DOCK3: variants seen among roughly 807,000 people sequenced by gnomAD.
DOCK3 encodes the protein dedicator of cytokinesis protein 3.
DOCK3 carries 60 observed loss-of-function variants against 265.6 expected under a neutral mutation model. The observed-to-expected ratio is 0.23, with a 90% CI of 0.18 to 0.28. The LOEUF is 0.28. Among genes scored for constraint, DOCK3 ranks in the 10% least tolerant of loss-of-function variants. DOCK3 has a pLI of 1.00. For synonymous variants in DOCK3, 881 were observed against 938.0 expected (o/e 0.94, Z 1.11); for missense variants, 1,981 against 2,594.3 (o/e 0.76, Z 5.14).
intron 4 of DOCK3, among the ~76,000 whole-genome samples, chr3:50,927,027 A>G (rs948968968): frequency 1.3e-5 from 2 of 152,222 alleles, no homozygotes; most frequent in African/African-American, 4.8e-5. Context: ...AAGGCTTACA[A>G]GTTTTATGAT....
chr3:51,157,069 A>G (rs1396448424), intron 10 of DOCK3, among the ~76,000 whole-genome samples: 1 of 152,228 alleles, frequency 6.6e-6, no homozygotes, highest in African/African-American at 2.4e-5. Context: ...TAAAAGAATT[A>G]GTGAAATGGG....
At chr3:50,713,480 A>G (rs2036899609) in intron 1 of DOCK3, among the ~76,000 whole-genome samples, 1 of 152,210 alleles carries the variant, frequency 6.6e-6, no homozygotes, top group Non-Finnish European at 1.5e-5. Flanking sequence ...CATTCAATTC[A>G]TTAAAAACTT....
At chr3:50,685,302 G>A (rs2034707605) in intron 1 of DOCK3, among the ~76,000 whole-genome samples, 1 of 152,094 alleles carries the variant, frequency 6.6e-6, no homozygotes, top group Admixed American at 6.5e-5. Flanking sequence ...TGTTATAATA[G>A]GGCATTATTT....
intron 12 of DOCK3, among the ~76,000 whole-genome samples, chr3:51,167,853 T>C (rs2086482909): frequency 6.6e-6 from 1 of 152,204 alleles, no homozygotes; most frequent in African/African-American, 2.4e-5. Context: ...CTTTAGGCTT[T>C]TTATATGTAT....
intron 2 of DOCK3, among the ~76,000 whole-genome samples, chr3:50,836,154 G>C (rs2107185095): frequency 6.6e-6 from 1 of 152,278 alleles, no homozygotes. Flanking sequence ...TCTAATTCCT[G>C]GGGATCCCAT....
In DOCK3 at chr3:51,075,342, T is replaced by C. The variant is rs1358562153; in HGVS notation, c.465-14T>C. Reference sequence around the variant, plus strand: ...AGTACATGGCATACTGAGTGTGGTCTTTCTCTTTACTAGACATTTGGGCCT... The same window carrying C: ...AGTACATGGCATACTGAGTGTGGTCCTTCTCTTTACTAGACATTTGGGCCT... On this transcript the variant is annotated splice_polypyrimidine_tract_variant and intron_variant, in intron 6 of 52. Transcript: ENST00000266037. The C allele has an allele frequency of 6.2e-7, 1 of 1,603,596 alleles. No homozygotes were observed. The highest frequency in any genetic ancestry group is 8.5e-7 in the Non-Finnish European group (1 of 1,174,934).
At chr3:50,736,052 G>A (rs375207297) in intron 1 of DOCK3, among the ~76,000 whole-genome samples, 10 of 151,996 alleles carry the variant, frequency 6.6e-5, no homozygotes, top group East Asian at 3.9e-4. Context: ...CCTCCCCGCT[G>A]CCCCCACCCC....
chr3:50,849,395 C>T (rs903315201), intron 3 of DOCK3, among the ~76,000 whole-genome samples: 2 of 151,378 alleles, frequency 1.3e-5, no homozygotes, highest in Non-Finnish European at 2.9e-5. Flanking sequence ...TATATACACA[C>T]ACACACACAT....
At chr3:50,824,675 C>T (rs1344710127) in intron 2 of DOCK3, among the ~76,000 whole-genome samples, 3 of 152,120 alleles carry the variant, frequency 2.0e-5, no homozygotes, top group African/African-American at 7.2e-5. Flanking sequence ...GGGTCTATTT[C>T]TAGCTCTGTT....
chr3:51,228,559 C>A, intron 17 of DOCK3, 102 bp from the exon 18 acceptor site: 1 of 1,340,266 alleles, frequency 7.5e-7, no homozygotes, highest in South Asian at 1.5e-5. Flanking sequence ...AACGTTCAGC[C>A]TTAGGAAGAT....
At chr3:50,799,994 ATGTT>A (rs1223381692) in intron 2 of DOCK3, among the ~76,000 whole-genome samples, 1 of 152,038 alleles carries the variant, frequency 6.6e-6, no homozygotes, top group Non-Finnish European at 1.5e-5. Context: ...ATGATGTATG[ATGTT>A]TGTTTATTTG....
chr3:51,079,746 A>G (rs1362804351), intron 7 of DOCK3, among the ~76,000 whole-genome samples: 2 of 152,202 alleles, frequency 1.3e-5, no homozygotes, highest in South Asian at 2.1e-4. Flanking sequence ...TAAACAATAG[A>G]GAATTGGTGC....
chr3:51,328,777 T>C (rs2084322973), intron 32 of DOCK3, among the ~76,000 whole-genome samples: 1 of 152,220 alleles, frequency 6.6e-6, no homozygotes, highest in South Asian at 2.1e-4. Flanking sequence ...CTTCTGTTTA[T>C]AGTACATTAT....
intron 3 of DOCK3, among the ~76,000 whole-genome samples, chr3:50,874,505 A>G (rs1294445781): frequency 1.3e-5 from 2 of 150,366 alleles, no homozygotes; most frequent in Non-Finnish European, 3.0e-5. Flanking sequence ...CCTGTATCTT[A>G]GAAATAAATA....
chr3:50,734,787 T>C (rs2038473354), intron 1 of DOCK3, among the ~76,000 whole-genome samples: 1 of 152,018 alleles, frequency 6.6e-6, no homozygotes, highest in Non-Finnish European at 1.5e-5. Flanking sequence ...GTATTTTTAG[T>C]AGAGGCGGGG....
At chr3:50,878,684 A>G (rs562506573) in intron 3 of DOCK3, among the ~76,000 whole-genome samples, 46 of 152,198 alleles carry the variant, frequency 3.0e-4, no homozygotes, top group Non-Finnish European at 6.0e-4. Context: ...GGAGAATGAA[A>G]CCAAGTTGGA....
chr3:50,994,515 TTAGTTGTGTTAAC>T (rs1469867394), intron 5 of DOCK3, among the ~76,000 whole-genome samples: 1 of 152,230 alleles, frequency 6.6e-6, no homozygotes, highest in Non-Finnish European at 1.5e-5. Flanking sequence ...CCAGTGGACA[TTAGTTGTGTTAAC>T]TAAGATGTAA....
intron 5 of DOCK3, among the ~76,000 whole-genome samples, chr3:51,002,496 T>G (rs973129506): frequency 6.6e-6 from 1 of 152,254 alleles, no homozygotes; most frequent in Non-Finnish European, 1.5e-5. Context: ...ATATCATGAC[T>G]GAATTCTTAG....
At chr3:50,893,873 A>T (rs1248416991) in intron 4 of DOCK3, among the ~76,000 whole-genome samples, 1 of 151,268 alleles carries the variant, frequency 6.6e-6, no homozygotes, top group Non-Finnish European at 1.5e-5. Context: ...TATCACAAGG[A>T]CAAAAAACCA....
Sources: gnomAD v4.1 joint callset for allele counts (sites outside exome capture counted in the v4.1 genomes callset) on GRCh38, gnomAD v4.1.1 for gene constraint, MANE v1.5 for transcripts, NCBI Gene and HGNC (gene_info 2026-07-23, HGNC 2026-07-21) for gene names.